Variants in USP50 observed in about 807,000 individuals in gnomAD.
USP50 encodes the protein ubiquitin carboxyl-terminal hydrolase 50.
In USP50, 37 loss-of-function variants were observed where a neutral mutation model predicts 39.2. The ratio of observed to expected loss-of-function variants is 0.94; its 90% CI spans 0.73 to 1.24. The LOEUF is 1.24. Ranked by LOEUF, USP50 falls within the 50% of genes most tolerant of loss-of-function variation. The probability of loss-of-function intolerance (pLI) is 0.00; values close to 1 mark genes in which losing one functional copy is unlikely to be tolerated. For synonymous variants in USP50, 139 were observed against 144.5 expected (o/e 0.96, Z 0.27); for missense variants, 374 against 398.2 (o/e 0.94, Z 0.52).
chr15:50,498,806 G>T, downstream of USP50: 5 of 1,549,966 alleles, frequency 3.2e-6, no homozygotes, highest in Non-Finnish European at 4.4e-6. Flanking sequence ...CCTACCTCAT[G>T]GAAGAGTAAG....
intron 6 of USP50, chr15:50,506,348 CTA>C (rs1167453354): frequency 6.6e-6 from 1 of 152,190 alleles, no homozygotes; most frequent in Non-Finnish European, 1.5e-5. Flanking sequence ...AGCACAAACT[CTA>C]TTGTGAACTG....
chr15:50,500,764 C>A lies in USP50; in HGVS notation c.*5G>T. 1 of 1,583,772 alleles carries A rather than the reference C, an allele frequency of 6.3e-7. No homozygotes were observed. Among genetic ancestry groups the A allele is most frequent in the East Asian group, 2.3e-5 (1 of 43,920 alleles). On this transcript the variant is annotated 3_prime_UTR_variant, in exon 7 of 7. Coordinates refer to ENST00000532404, the MANE Select transcript of USP50 (RefSeq NM_203494.5). The stretch of plus-strand genomic sequence containing the variant: ...CTCACTGACTCGTGTGTTATCAAAG[C>A]TATATCAGGCCTGGGTGACTGAATT...
intron 6 of USP50, 99 bp downstream of exon 6, chr15:50,529,698 G>T: frequency 7.4e-7 from 1 of 1,342,552 alleles, no homozygotes; most frequent in Non-Finnish European, 1.0e-6. Flanking sequence ...TAAAAGTAGG[G>T]CATAAGCCAG....
At chr15:50,546,344 T>C in intron 1 of USP50, 129 bp downstream of exon 1, 1 of 907,860 alleles carries the variant, frequency 1.1e-6, no homozygotes, top group Admixed American at 2.2e-5. Context: ...CTTCCTTCCT[T>C]TCCGGGGACC....
chr15:50,522,542 C>A (rs1327838723), intron 6 of USP50, among the ~76,000 whole-genome samples: 3 of 152,110 alleles, frequency 2.0e-5, no homozygotes, highest in African/African-American at 7.2e-5. Context: ...CCAGCAATAC[C>A]CTGATACTAA....
intron 6 of USP50, among the ~76,000 whole-genome samples, chr15:50,528,436 C>A (rs901653007): frequency 3.3e-5 from 5 of 152,108 alleles, no homozygotes; most frequent in African/African-American, 1.2e-4. Flanking sequence ...GAGGGAGCCA[C>A]TGAGCTCAGC....
chr15:50,527,045 C>T (rs1388882221), intron 6 of USP50, among the ~76,000 whole-genome samples: 1 of 152,170 alleles, frequency 6.6e-6, no homozygotes, highest in Non-Finnish European at 1.5e-5. Flanking sequence ...AGGGCTCATG[C>T]AAAGGCTGGA....
rs551946913 is a variant in USP50 at position 50,522,211 on chromosome 15, G to A, written c.936+7586C>T. Among the ~76,000 whole-genome samples the A allele has an allele frequency of 1.5e-4, 22 of 151,364 alleles. 1 individual carries two copies. The highest frequency in any genetic ancestry group is 5.1e-4 in the African/African-American group (21 of 41,230). On this transcript the variant is annotated intron_variant, in intron 6 of 6. Transcript: ENST00000532404. ...GAGGCCAAGTGGGTGGCTTGATTGA[G>A]CCCAGGAGTTTAAGACCAGCCTGGG...
chr15:50,497,329 A>AT (rs2052455333), downstream of USP50: 1 of 1,400,984 alleles, frequency 7.1e-7, no homozygotes, highest in South Asian at 1.5e-5. Flanking sequence ...CCATGGGCAC[A>AT]TAACAAAGGG....
intron 6 of USP50, chr15:50,506,351 T>C (rs529914442): frequency 2.6e-5 from 4 of 152,272 alleles, no homozygotes; most frequent in African/African-American, 4.8e-5. Flanking sequence ...ACAAACTCTA[T>C]TGTGAACTGC....
At chr15:50,540,815 G>A (rs949940908) in intron 4 of USP50, among the ~76,000 whole-genome samples, 1 of 152,094 alleles carries the variant, frequency 6.6e-6, no homozygotes, top group Non-Finnish European at 1.5e-5. Flanking sequence ...GTAGAGACAG[G>A]GTTTCACCAT....
At chr15:50,541,537 T>TC (rs1045177271) in intron 3 of USP50, among the ~76,000 whole-genome samples, 1 of 152,010 alleles carries the variant, frequency 6.6e-6, no homozygotes, top group African/African-American at 2.4e-5. Flanking sequence ...AAGTTTTCAA[T>TC]AAAATGACTG....
intron 5 of USP50, 131 bp from the exon 6 acceptor site, chr15:50,530,060 A>C: frequency 7.6e-7 from 1 of 1,308,950 alleles, no homozygotes; most frequent in Admixed American, 2.2e-5. Flanking sequence ...TAATCCCACA[A>C]CTTTGGGAGG....
chr15:50,509,736 T>C (rs1261114508), intron 6 of USP50: 1 of 152,166 alleles, frequency 6.6e-6, no homozygotes, highest in Non-Finnish European at 1.5e-5. Context: ...CTACAGATCC[T>C]GAATAAATTT....
At chr15:50,544,277 A>G (rs484387) in intron 2 of USP50, among the ~76,000 whole-genome samples, 145,806 of 152,032 alleles carry the variant, frequency 0.96, 70,229 homozygotes, top group Non-Finnish European at 1. Context: ...CAGGAGGGTC[A>G]CTTGAACCCG....
At chr15:50,543,357 C>A (rs1276922334) in intron 3 of USP50, among the ~76,000 whole-genome samples, 1 of 152,092 alleles carries the variant, frequency 6.6e-6, no homozygotes, top group Non-Finnish European at 1.5e-5. Flanking sequence ...AATTAATTAC[C>A]CTTGGAGTAT....
intron 6 of USP50, chr15:50,510,149 G>A (rs984562841): frequency 2.4e-4 from 36 of 151,778 alleles, no homozygotes; most frequent in African/African-American, 8.3e-4. Flanking sequence ...AGGAAAACCA[G>A]CATTATATGT....
chr15:50,528,583 T>A (rs1162087779), intron 6 of USP50, among the ~76,000 whole-genome samples: 1 of 152,000 alleles, frequency 6.6e-6, no homozygotes, highest in African/African-American at 2.4e-5. Context: ...TACATTAGAG[T>A]CTGCATTTGA....
intron 5 of USP50, among the ~76,000 whole-genome samples, chr15:50,530,813 T>C (rs908766230): frequency 3.9e-5 from 6 of 152,146 alleles, no homozygotes; most frequent in South Asian, 2.1e-4. Context: ...AGAAACCCCA[T>C]TGATAATTCC....
Sources: allele counts gnomAD v4.1 joint callset (sites outside exome capture counted in the v4.1 genomes callset), GRCh38; gene constraint gnomAD v4.1.1; transcripts MANE v1.5; gene names NCBI Gene and HGNC (gene_info 2026-07-23, HGNC 2026-07-21).